Variants in LRRC52 observed in about 807,000 individuals in gnomAD.
LRRC52 encodes leucine rich repeat containing 52.
A neutral mutation model predicts 14.7 loss-of-function variants in LRRC52; 15 were observed. That is an observed-to-expected ratio of 1.02 (90% CI 0.68 to 1.58). The LOEUF (loss-of-function observed/expected upper bound fraction) is 1.58. Among genes scored for constraint, LRRC52 ranks in the 40% most tolerant of loss-of-function variants. LRRC52 has a pLI of 0.00. For missense variants in LRRC52, 400 were observed against 387.7 expected (o/e 1.03, Z -0.27); for synonymous variants, 180 against 163.9 (o/e 1.10, Z -0.75).
chr1:165,562,711 C>T (rs1661370673), intron 1 of LRRC52, among the ~76,000 whole-genome samples: 1 of 151,208 alleles, frequency 6.6e-6, no homozygotes, highest in African/African-American at 2.4e-5. Context: ...TAGTGAAGGC[C>T]ATGGCGCTAC....
chr1:165,554,061 G>T (rs1661186645), intron 1 of LRRC52, among the ~76,000 whole-genome samples: 1 of 152,080 alleles, frequency 6.6e-6, no homozygotes, highest in Non-Finnish European at 1.5e-5. Flanking sequence ...TTGACTGTGG[G>T]CAACAATCTC....
intron 1 of LRRC52, 119 bp from the exon 2 acceptor site, chr1:165,563,386 G>A: frequency 1.2e-6 from 1 of 821,358 alleles, no homozygotes; most frequent in Non-Finnish European, 1.9e-6. Context: ...GATGCTGCTG[G>A]CCCACAGACC....
At chr1:165,552,111 A>G (rs1661144492) in intron 1 of LRRC52, among the ~76,000 whole-genome samples, 1 of 152,114 alleles carries the variant, frequency 6.6e-6, no homozygotes. Flanking sequence ...TCCCTAAGCC[A>G]CCCAGAAAAT....
chr1:165,544,406 T>A lies in LRRC52; in HGVS notation c.110T>A (p.Val37Glu), dbSNP rs758861323. ...AATTGTCTGTGTCAAGCCCAAGAAG[T>A]AATCTGCACAGGGAAGCAGTTAACC... ...PNNCLCQAQE[V>E]ICTGKQLTEY... The change falls in exon 1 of 2, where the codon GTA becomes GAA. Residue 37 changes from valine (V) to glutamate (E), a missense_variant. Val to Glu is a moderately radical substitution (Grantham distance 121). Transcript: ENST00000294818. 3 of 1,613,978 alleles carry A rather than the reference T, an allele frequency of 1.9e-6. No homozygotes were observed. The highest frequency in any genetic ancestry group is 2.2e-5 in the South Asian group (2 of 91,076).
At chr1:165,548,545 C>T (rs1317927949) in intron 1 of LRRC52, among the ~76,000 whole-genome samples, 2 of 152,184 alleles carry the variant, frequency 1.3e-5, no homozygotes, top group Non-Finnish European at 2.9e-5. Flanking sequence ...GCCACTTGTC[C>T]TCCAAGAGAT....
At chr1:165,555,478 C>A in intron 1 of LRRC52, among the ~76,000 whole-genome samples, 1 of 152,094 alleles carries the variant, frequency 6.6e-6, no homozygotes, top group Non-Finnish European at 1.5e-5. Context: ...CATGGAGAGG[C>A]TTTTGATTTT....
At position 165,544,637 on chromosome 1, in the gene LRRC52, C is replaced by T. The variant is rs758219032; in HGVS notation, c.341C>T (p.Thr114Ile). The T allele has an allele frequency of 1.2e-6, 2 of 1,613,974 alleles. No individual in the cohort carries two copies. Among genetic ancestry groups the T allele is most frequent in the South Asian group, 2.2e-5 (2 of 91,042 alleles). Residue 114 changes from threonine to isoleucine, a missense_variant, in exon 1 of 2, where the codon ACC becomes ATC. Transcript: ENST00000294818. ...IYLDLSSNNL[T>I]SISPFTFSVL... is the part of the protein sequence containing the mutation. ...CTTGACCTCAGCTCCAACAACCTAACCTCGATCTCCCCATTCACTTTCTCG... is the reference window on the plus strand; with the variant it reads ...CTTGACCTCAGCTCCAACAACCTAATCTCGATCTCCCCATTCACTTTCTCG...
intron 1 of LRRC52, among the ~76,000 whole-genome samples, chr1:165,563,246 A>G (rs1030325367): frequency 2.6e-5 from 4 of 152,224 alleles, no homozygotes; most frequent in African/African-American, 9.6e-5. Context: ...GGAACAGTCC[A>G]GGCCCAGTAC....
At chr1:165,549,238 T>C (rs1329982710) in intron 1 of LRRC52, among the ~76,000 whole-genome samples, 2 of 152,186 alleles carry the variant, frequency 1.3e-5, no homozygotes, top group Non-Finnish European at 2.9e-5. Context: ...AGGGTGCCTG[T>C]TCCTGAGTCA....
intron 1 of LRRC52, among the ~76,000 whole-genome samples, chr1:165,555,589 T>C (rs879891161): frequency 1.3e-5 from 2 of 152,054 alleles, no homozygotes; most frequent in African/African-American, 2.4e-5. Flanking sequence ...ATAGAGATTG[T>C]AGGAAAAAGC....
Position 165,544,461 on chromosome 1 carries a change from C to T in LRRC52, c.165C>T (p.Thr55=). Residue 55 remains threonine, a synonymous_variant, in exon 1 of 2, where the codon ACC becomes ACT. Transcript: ENST00000294818. ...TEYPLDIPLN[T]RRLFLNENRI... ...ACCCCCTTGACATACCCCTGAACAC[C>T]CGGAGGCTGTTCCTGAACGAGAACA... The T allele has an allele frequency of 1.2e-6, 2 of 1,614,128 alleles. No individual in the cohort carries two copies. Among genetic ancestry groups the T allele is most frequent in the Non-Finnish European group, 8.5e-7 (1 of 1,180,020 alleles).
intron 1 of LRRC52, among the ~76,000 whole-genome samples, chr1:165,551,205 A>T (rs1444774232): frequency 6.6e-6 from 1 of 150,454 alleles, no homozygotes; most frequent in Non-Finnish European, 1.5e-5. Flanking sequence ...CCTCCACCCC[A>T]AGAAACTCAT....
Position 165,563,762 on chromosome 1 carries a change from G to T in LRRC52, c.880G>T (p.Val294Phe). The T allele has an allele frequency of 6.2e-7, 1 of 1,614,198 alleles. No homozygotes were observed. The highest frequency in any genetic ancestry group is 8.5e-7 in the Non-Finnish European group (1 of 1,180,038). Residue 294 changes from valine (V) to phenylalanine (F), a missense_variant, in exon 2 of 2, where the codon GTC (valine) becomes TTC (phenylalanine). By Grantham distance (50) the Val-to-Phe change is conservative (BLOSUM62 -1). Transcript: ENST00000294818. ...GGACGAGGCCGGGACTAGGGTGGAA[G>T]TCAGCCGGCGGATTTTTCAAACCCA... is the stretch of plus-strand genomic sequence containing the variant. ...DEDEAGTRVE[V>F]SRRIFQTQTS...
chr1:165,550,781 A>AT (rs1661114878), intron 1 of LRRC52, among the ~76,000 whole-genome samples: 1 of 152,194 alleles, frequency 6.6e-6, no homozygotes, highest in African/African-American at 2.4e-5. Context: ...TTTGTCTTGA[A>AT]TAAGATAATC....
intron 1 of LRRC52, among the ~76,000 whole-genome samples, chr1:165,559,157 G>T (rs1661294677): frequency 1.3e-5 from 2 of 152,240 alleles, no homozygotes; most frequent in African/African-American, 4.8e-5. Context: ...GGGAGGCAAA[G>T]GCAGGAGGAT....
intron 1 of LRRC52, among the ~76,000 whole-genome samples, chr1:165,553,863 T>A (rs1183723914): frequency 1.3e-5 from 2 of 152,172 alleles, no homozygotes. Context: ...AATGACTATA[T>A]ATCTATAAAG....
At chr1:165,548,243 G>A (rs1235567342) in intron 1 of LRRC52, among the ~76,000 whole-genome samples, 1 of 152,206 alleles carries the variant, frequency 6.6e-6, no homozygotes, top group Non-Finnish European at 1.5e-5. Context: ...AGGGCAATAT[G>A]AGAGTGCATA....
At chr1:165,550,697 G>C (rs774070062) in intron 1 of LRRC52, among the ~76,000 whole-genome samples, 6 of 152,046 alleles carry the variant, frequency 3.9e-5, no homozygotes, top group Non-Finnish European at 2.9e-5. Context: ...AACATTTATT[G>C]TATATTCATT....
At chr1:165,545,093 T>C (rs770281074) in intron 1 of LRRC52, among the ~76,000 whole-genome samples, 175 bp downstream of exon 1, 1 of 152,192 alleles carries the variant, frequency 6.6e-6, no homozygotes, top group Non-Finnish European at 1.5e-5. Context: ...GAAAAAGTTC[T>C]GAAATAGGAA....
Sources: allele counts gnomAD v4.1 joint callset (sites outside exome capture counted in the v4.1 genomes callset), GRCh38; gene constraint gnomAD v4.1.1; transcripts MANE v1.5; gene names NCBI Gene and HGNC (gene_info 2026-07-23, HGNC 2026-07-21).